NDUFAF6: variants seen among roughly 807,000 people sequenced by gnomAD.
NDUFAF6 encodes the protein NADH:ubiquinone oxidoreductase complex assembly factor 6.
In NDUFAF6, 45 loss-of-function variants were observed where a neutral mutation model predicts 40.8. The ratio of observed to expected loss-of-function variants is 1.10; its 90% CI spans 0.87 to 1.42. NDUFAF6 has a LOEUF of 1.42. NDUFAF6 is among the 40% of genes most tolerant of loss of function. NDUFAF6 has a pLI of 0.00. For missense variants in NDUFAF6, 435 were observed against 418.5 expected, an observed-to-expected ratio of 1.04 and a Z score of -0.34; for synonymous variants, 185 against 155.9, an observed-to-expected ratio of 1.19 and a Z score of -1.39.
chr8:95,115,586 G>A (rs1810115782), exon 5 of NDUFAF6: 1 of 150,894 alleles, frequency 6.6e-6, no homozygotes, highest in African/African-American at 2.4e-5. Context: ...GAGCTCTCTT[G>A]CACATACTCA....
chr8:94,940,011 C>A (rs1183651387), intron 1 of NDUFAF6: 1 of 1,614,030 alleles, frequency 6.2e-7, no homozygotes, highest in African/African-American at 1.3e-5. Flanking sequence ...GTGGTTAATC[C>A]ACCTGCAGTA....
intron 4 of NDUFAF6, among the ~76,000 whole-genome samples, chr8:95,114,010 A>G (rs1165925767): frequency 4.7e-5 from 4 of 84,398 alleles, no homozygotes; most frequent in African/African-American, 1.4e-4. Flanking sequence ...CTGTTGTGGG[A>G]TGGGGGGAGG....
chr8:94,939,312 A>C (rs1003197397), intron 1 of NDUFAF6, among the ~76,000 whole-genome samples: 2 of 152,230 alleles, frequency 1.3e-5, no homozygotes, highest in African/African-American at 4.8e-5. Flanking sequence ...TCTTATTTCT[A>C]ATCAGTAGCA....
chr8:94,947,526 T>C (rs978738385), intron 2 of NDUFAF6, among the ~76,000 whole-genome samples: 2 of 152,296 alleles, frequency 1.3e-5, no homozygotes, highest in African/African-American at 4.8e-5. Flanking sequence ...CTCTGCTTGT[T>C]CCACTTATAT....
chr8:94,922,066 G>C (rs1267302866), intron 1 of NDUFAF6, among the ~76,000 whole-genome samples: 1 of 151,878 alleles, frequency 6.6e-6, no homozygotes, highest in Non-Finnish European at 1.5e-5. Flanking sequence ...GCAGTAACAT[G>C]ATCTCGGCTC....
chr8:95,073,247 C>T (rs1832928947), intron 9 of NDUFAF6: 1 of 152,308 alleles, frequency 6.6e-6, no homozygotes, highest in Non-Finnish European at 1.5e-5. Flanking sequence ...CGCCCTTGCG[C>T]GCGCAGCCAG....
At position 95,057,975 on chromosome 8, in the gene NDUFAF6, A is replaced by G; in HGVS notation, c.*38A>G. 1 of 1,507,882 alleles carries G rather than the reference A, an allele frequency of 6.6e-7. No individual in the cohort carries two copies. The highest frequency in any genetic ancestry group is 9.1e-7 in the Non-Finnish European group (1 of 1,093,498). 93.4% of individuals were successfully genotyped at this position (1,507,882 alleles called of 1,614,324 possible). ...GCATTGATGTTAATTCTAGTCTATT[A>G]GTTTTATAAAAGTTAGGATTCTTAT... is the stretch of plus-strand genomic sequence containing the variant. On this transcript the variant is annotated 3_prime_UTR_variant, in exon 9 of 9. Transcript: ENST00000396124.
chr8:95,005,326 T>C (rs570913963), intron 2 of NDUFAF6, among the ~76,000 whole-genome samples: 2 of 151,896 alleles, frequency 1.3e-5, no homozygotes, highest in Non-Finnish European at 2.9e-5. Flanking sequence ...TTGAAGTACA[T>C]TTCTTGTTAC....
At chr8:94,999,124 C>CT (rs757137462) in intron 2 of NDUFAF6, among the ~76,000 whole-genome samples, 3,225 of 139,382 alleles carry the variant, frequency 0.023, 98 homozygotes, top group African/African-American at 0.065. Flanking sequence ...TTCCATTCTA[C>CT]TTTTTTTTTT....
chr8:94,956,957 G>A (rs569797787), upstream of NDUFAF6, among the ~76,000 whole-genome samples: 1 of 152,238 alleles, frequency 6.6e-6, no homozygotes, highest in Admixed American at 6.5e-5. Context: ...GATCACTTGA[G>A]GTCAGGAGTT....
chr8:95,113,674 A>G (rs1274264186), intron 4 of NDUFAF6, among the ~76,000 whole-genome samples: 1 of 152,194 alleles, frequency 6.6e-6, no homozygotes, highest in Non-Finnish European at 1.5e-5. Context: ...AAGAGCAAAG[A>G]CTGCATTGGA....
chr8:94,931,943 G>C, intron 1 of NDUFAF6: 1 of 883,784 alleles, frequency 1.1e-6, no homozygotes. Flanking sequence ...TTGCACTCCA[G>C]CCTGAGTGAC....
At chr8:95,011,208 T>A (rs761692437) in intron 2 of NDUFAF6, among the ~76,000 whole-genome samples, 6 of 152,176 alleles carry the variant, frequency 3.9e-5, no homozygotes, top group Non-Finnish European at 8.8e-5. Flanking sequence ...AGCCACACTT[T>A]TACTACATTT....
intron 1 of NDUFAF6, among the ~76,000 whole-genome samples, chr8:94,896,218 G>A (rs1452241782): frequency 6.7e-6 from 1 of 149,982 alleles, no homozygotes; most frequent in East Asian, 2.0e-4. Flanking sequence ...GGCCGGGTGG[G>A]AAGAAAGATC....
downstream of NDUFAF6, among the ~76,000 whole-genome samples, chr8:95,062,118 G>A (rs191571900): frequency 2.1e-4 from 31 of 151,096 alleles, no homozygotes; most frequent in African/African-American, 7.6e-4. Flanking sequence ...GCAAGATCGC[G>A]CCACTGCACT....
intron 1 of NDUFAF6, among the ~76,000 whole-genome samples, chr8:94,897,659 T>TC (rs1554620494): frequency 7.0e-6 from 1 of 143,796 alleles, no homozygotes; most frequent in Non-Finnish European, 1.5e-5. Flanking sequence ...GGCACAGGCT[T>TC]AAAAAAAAAA....
chr8:95,021,873 A>T (rs1827704976), upstream of NDUFAF6, among the ~76,000 whole-genome samples: 1 of 152,150 alleles, frequency 6.6e-6, no homozygotes, highest in Admixed American at 6.5e-5. Context: ...TAACCTAAGG[A>T]CTCACTAATT....
chr8:94,904,320 C>CTCTTTT (rs1818238227), intron 1 of NDUFAF6, among the ~76,000 whole-genome samples: 2 of 34,136 alleles, frequency 5.9e-5, no homozygotes, highest in Non-Finnish European at 5.0e-5. Flanking sequence ...ATTTTTTTTG[C>CTCTTTT]TTTTTTTTTT....
intron 2 of NDUFAF6, among the ~76,000 whole-genome samples, chr8:95,088,281 G>A (rs1305318136): frequency 6.6e-6 from 1 of 152,252 alleles, no homozygotes; most frequent in African/African-American, 2.4e-5. Flanking sequence ...GAAAGTGACA[G>A]ATATGCCCAT....
Sources: allele counts gnomAD v4.1 joint callset (sites outside exome capture counted in the v4.1 genomes callset), GRCh38; gene constraint gnomAD v4.1.1; transcripts MANE v1.5; gene names NCBI Gene and HGNC (gene_info 2026-07-23, HGNC 2026-07-21).